VPS13A: variants seen among roughly 807,000 people sequenced by gnomAD.
VPS13A encodes vacuolar protein sorting 13 homolog A, also known as intermembrane lipid transfer protein VPS13A.
In VPS13A, 264 loss-of-function variants were observed where a neutral mutation model predicts 390.9. The observed-to-expected ratio is 0.68, with a 90% CI of 0.61 to 0.75. The LOEUF is 0.75. Ranked by LOEUF, VPS13A falls within the 30% of genes least tolerant of loss-of-function variation. VPS13A has a pLI of 0.00. For missense variants in VPS13A, 3,409 were observed against 3,733.9 expected (o/e 0.91, Z 2.27); for synonymous variants, 1,231 against 1,227.1 (o/e 1.00, Z -0.07).
chr9:77,332,060 A>T lies in VPS13A; in HGVS notation c.6042A>T (p.Leu2014Phe), dbSNP rs536871527. 3.1e-6 allele frequency: 5 copies of T among 1,612,424 alleles called. No homozygotes were observed. The South Asian group carries it at 5.5e-5, about 18-fold the overall frequency. ...VPLSVYEGDT[L>F]LGTASPENEF... ...TGTCTGTTTACGAAGGGGATACCTT[A>T]TTGGGAACTGCCTCACCTGAAAATG... The change falls in exon 46 of 72, where the codon TTA becomes TTT. Residue 2014 changes from leucine (L) to phenylalanine (F), a missense_variant. By Grantham distance (22) the Leu-to-Phe change is conservative (BLOSUM62 0). Around this residue, in one of 5 missense-constraint regions of VPS13A, gnomAD observed 2,717 missense variants for 2,917.4 expected, o/e 0.93. Coordinates refer to ENST00000360280, the MANE Select transcript of VPS13A (RefSeq NM_033305.3).
intron 31 of VPS13A, among the ~76,000 whole-genome samples, chr9:77,290,586 T>C (rs1827593762): frequency 1.3e-5 from 2 of 152,132 alleles, no homozygotes; most frequent in Non-Finnish European, 2.9e-5. Flanking sequence ...GATTTCTGTT[T>C]ATAGTCCCAC....
At chr9:77,329,820 G>C (rs759450822) in intron 45 of VPS13A, among the ~76,000 whole-genome samples, 1 of 152,144 alleles carries the variant, frequency 6.6e-6, no homozygotes, top group Admixed American at 6.5e-5. Context: ...ATAGTCAGGA[G>C]AAATGGTATT....
intron 68 of VPS13A, among the ~76,000 whole-genome samples, chr9:77,394,965 T>C (rs1834063085): frequency 6.6e-6 from 1 of 152,240 alleles, no homozygotes; most frequent in Admixed American, 6.5e-5. Flanking sequence ...TGGTTTATCT[T>C]CTATCCAGAC....
Position 77,418,902 on chromosome 9 carries a change from A to C in VPS13A, c.*2896A>C, listed in dbSNP as rs1835257003. On this transcript the variant is annotated 3_prime_UTR_variant, in exon 72 of 72. Transcript: ENST00000360280. The stretch of plus-strand genomic sequence containing the variant: ...TGGTAAAAAGAAAGATTAAATTAAA[A>C]GGACTCTACACAGTGCTGAATTTCC... The C allele has an allele frequency of 1.3e-5, 2 of 152,340 alleles. No homozygotes were observed. The highest frequency in any genetic ancestry group is 4.1e-4 in the South Asian group (2 of 4,828). The allele number at this position is 152,340 out of a possible 1,614,324, so 9.4% of individuals were successfully genotyped here.
At chr9:77,341,558 T>G (rs1047461776) in intron 50 of VPS13A, among the ~76,000 whole-genome samples, 43 of 152,000 alleles carry the variant, frequency 2.8e-4, no homozygotes, top group African/African-American at 9.4e-4. Context: ...CATTCTTCCG[T>G]TTTTTTCCAT....
intron 68 of VPS13A, among the ~76,000 whole-genome samples, chr9:77,400,864 T>A (rs1456322918): frequency 6.6e-6 from 1 of 152,038 alleles, no homozygotes; most frequent in East Asian, 1.9e-4. Flanking sequence ...TGTTACTTTT[T>A]ATAGTACTTT....
intron 1 of VPS13A, among the ~76,000 whole-genome samples, chr9:77,192,706 C>T (rs1277997934): frequency 6.6e-6 from 1 of 152,174 alleles, no homozygotes; most frequent in Non-Finnish European, 1.5e-5. Context: ...GCTGAAAGGT[C>T]TGGTGCTAGC....
At chr9:77,234,157 G>A (rs1287759433) in intron 17 of VPS13A, among the ~76,000 whole-genome samples, 1 of 151,976 alleles carries the variant, frequency 6.6e-6, no homozygotes, top group Non-Finnish European at 1.5e-5. Context: ...GTTTTCTATT[G>A]AAAGATATTT....
chr9:77,189,194 G>T (rs193074618), intron 1 of VPS13A, among the ~76,000 whole-genome samples: 34 of 129,606 alleles, frequency 2.6e-4, no homozygotes, highest in African/African-American at 7.8e-4. Context: ...CAGGGCTTAT[G>T]TCCAGCATGG....
At chr9:77,344,600 A>C (rs911816572) in intron 51 of VPS13A, among the ~76,000 whole-genome samples, 1 of 152,072 alleles carries the variant, frequency 6.6e-6, no homozygotes, top group Non-Finnish European at 1.5e-5. Flanking sequence ...TACTAAAGAA[A>C]TAGAAAAAAT....
Position 77,282,194 on chromosome 9 carries a change from T to G in VPS13A, c.3038T>G (p.Ile1013Ser). 6.2e-7 allele frequency: 1 copy of G among 1,613,502 alleles called. No individual in the cohort carries two copies. Among genetic ancestry groups the G allele is most frequent in the Middle Eastern group, 1.7e-4 (1 of 6,040 alleles). The change falls in exon 29 of 72, where the codon ATC (isoleucine) becomes AGC (serine). Residue 1013 changes from isoleucine (I) to serine (S), a missense_variant. Ile to Ser is a moderately radical substitution (Grantham distance 142). This residue lies in a region of VPS13A where 2,717 missense variants were observed against 2,917.4 expected (regional missense o/e 0.93). Transcript: ENST00000360280. ...AATACAATAAATTATCTTCATAATA[T>G]CCTTCCGCAATCAGAGGAAAAATCA... ...LLNTINYLHN[I>S]LPQSEEKSAP... is the part of the protein sequence containing the mutation.
rs753085385 is a variant in VPS13A at position 77,223,317 on chromosome 9, T to C, written c.1161+1961T>C. ...TAATAGCCCTACAAAGGCCTCTAAG[T>C]GTTCAAATATAAGGAAGAATCATAC... On this transcript the variant is annotated intron_variant, in intron 13 of 71. Coordinates refer to ENST00000360280, the MANE Select transcript of VPS13A (RefSeq NM_033305.3). Among the ~76,000 whole-genome samples the C allele has an allele frequency of 2.7e-4, 41 of 152,078 alleles. 1 individual carries two copies. Among genetic ancestry groups the C allele is most frequent in the Non-Finnish European group, 4.4e-4 (30 of 68,022 alleles).
At chr9:77,237,749 A>G (rs1270842987) in intron 17 of VPS13A, among the ~76,000 whole-genome samples, 1 of 152,198 alleles carries the variant, frequency 6.6e-6, no homozygotes. Context: ...TACATTAAGC[A>G]TTGTAGATTT....
chr9:77,371,686 T>C (rs1311278862), intron 67 of VPS13A, among the ~76,000 whole-genome samples: 1 of 151,922 alleles, frequency 6.6e-6, no homozygotes, highest in Admixed American at 6.6e-5. Flanking sequence ...CTTTAAGTTT[T>C]AGGGTACATG....
Position 77,177,824 on chromosome 9 carries a change from C to T in VPS13A, c.100+20C>T. On this transcript the variant is annotated intron_variant, in intron 1 of 71. Coordinates refer to ENST00000360280, the MANE Select transcript of VPS13A (RefSeq NM_033305.3). ...GGAAAGGTAAGGAGGCCGCCGCCGC[C>T]GCTCCCCGGCCTCTCGTGCTTCCCG... 1.3e-6 allele frequency: 2 copies of T among 1,595,288 alleles called. No homozygotes were observed. Among genetic ancestry groups the T allele is most frequent in the Non-Finnish European group, 1.7e-6 (2 of 1,168,478 alleles).
intron 1 of VPS13A, among the ~76,000 whole-genome samples, chr9:77,186,338 G>A (rs1015099380): frequency 6.6e-6 from 1 of 152,170 alleles, no homozygotes; most frequent in African/African-American, 2.4e-5. Flanking sequence ...AGGAAGAAAA[G>A]ACTTAATTTA....
intron 60 of VPS13A, among the ~76,000 whole-genome samples, chr9:77,366,480 G>A (rs947663373): frequency 2.0e-5 from 3 of 151,802 alleles, no homozygotes; most frequent in African/African-American, 4.8e-5. Context: ...TATTTTCTTA[G>A]GTTTGCCAAA....
At chr9:77,327,890 T>C (rs1178044447) in intron 45 of VPS13A, among the ~76,000 whole-genome samples, 1 of 152,142 alleles carries the variant, frequency 6.6e-6, no homozygotes, top group African/African-American at 2.4e-5. Flanking sequence ...AATTTTGATA[T>C]TTTGACCTGT....
intron 1 of VPS13A, among the ~76,000 whole-genome samples, chr9:77,189,822 CT>C (rs1248008070): frequency 6.6e-6 from 1 of 151,694 alleles, no homozygotes; most frequent in Non-Finnish European, 1.5e-5. Context: ...TTTTACCTCT[CT>C]GATTAGCTCT....
Sources: allele counts gnomAD v4.1 joint callset (sites outside exome capture counted in the v4.1 genomes callset), GRCh38; gene constraint gnomAD v4.1.1; regional missense constraint gnomAD v4.1.1; transcripts MANE v1.5; gene names NCBI Gene and HGNC (gene_info 2026-07-23, HGNC 2026-07-21).